Variants in SCARA5 observed in about 807,000 individuals in gnomAD.
SCARA5 encodes scavenger receptor class A, member 5 (putative).
A neutral mutation model predicts 46.3 loss-of-function variants in SCARA5; 45 were observed. That is an observed-to-expected ratio of 0.97 (90% CI 0.76 to 1.24). SCARA5 has a LOEUF of 1.24. SCARA5 is among the 50% of genes most tolerant of loss of function. SCARA5 has a pLI of 0.00. For synonymous variants in SCARA5, 333 were observed against 306.5 expected (o/e 1.09, Z -0.90); for missense variants, 680 against 689.0 (o/e 0.99, Z 0.15).
chr8:27,943,255 C>A (rs546000030), intron 3 of SCARA5, among the ~76,000 whole-genome samples: 32 of 152,294 alleles, frequency 2.1e-4, no homozygotes, highest in Non-Finnish European at 3.8e-4. Context: ...CATGGCAAAA[C>A]CCTGTCTCTA....
chr8:27,911,151 C>T (rs1807367754), intron 4 of SCARA5, among the ~76,000 whole-genome samples: 2 of 152,170 alleles, frequency 1.3e-5, no homozygotes, highest in South Asian at 4.1e-4. Context: ...TGGCTCACTG[C>T]CCACTCCTTG....
intron 2 of SCARA5, among the ~76,000 whole-genome samples, chr8:27,969,316 A>T (rs1015205223): frequency 1.6e-4 from 24 of 152,222 alleles, no homozygotes; most frequent in Non-Finnish European, 2.4e-4. Flanking sequence ...GTTAAAAATA[A>T]TTTTTTTAAA....
At chr8:27,924,831 T>C (rs952536999) in intron 3 of SCARA5, among the ~76,000 whole-genome samples, 3 of 152,238 alleles carry the variant, frequency 2.0e-5, no homozygotes, top group African/African-American at 7.2e-5. Flanking sequence ...CAAGCATTCC[T>C]ATACACCAAT....
chr8:27,902,517 T>C (rs1807173237), intron 7 of SCARA5, among the ~76,000 whole-genome samples: 1 of 152,188 alleles, frequency 6.6e-6, no homozygotes, highest in Admixed American at 6.5e-5. Flanking sequence ...TCACTTGCTC[T>C]CTCAAGTCTG....
At chr8:27,876,173 C>G (rs1350129103) in intron 8 of SCARA5, among the ~76,000 whole-genome samples, 1 of 152,192 alleles carries the variant, frequency 6.6e-6, no homozygotes, top group East Asian at 1.9e-4. Context: ...TGCATGCTAA[C>G]TGCTTGACAC....
intron 3 of SCARA5, among the ~76,000 whole-genome samples, chr8:27,927,585 A>G (rs542605750): frequency 4.0e-4 from 61 of 152,288 alleles, no homozygotes; most frequent in Middle Eastern, 3.4e-3. Flanking sequence ...ATGACTGCCT[A>G]TAAGTCCCTC....
intron 1 of SCARA5, among the ~76,000 whole-genome samples, chr8:27,990,221 C>T (rs931815114): frequency 5.9e-5 from 9 of 152,220 alleles, no homozygotes; most frequent in African/African-American, 2.2e-4. Context: ...GGGAGAGGGA[C>T]TGGGGCCGAG....
At chr8:27,965,467 A>G (rs2129936073) in intron 3 of SCARA5, among the ~76,000 whole-genome samples, 1 of 152,228 alleles carries the variant, frequency 6.6e-6, no homozygotes, top group Admixed American at 6.5e-5. Flanking sequence ...TCACCATCGC[A>G]TTGGGCTACA....
intron 3 of SCARA5, among the ~76,000 whole-genome samples, chr8:27,951,234 G>C (rs1026425152): frequency 2.5e-4 from 38 of 152,204 alleles, no homozygotes; most frequent in African/African-American, 8.9e-4. Context: ...AGTTTAGTGT[G>C]GAGTCAGACA....
intron 3 of SCARA5, among the ~76,000 whole-genome samples, chr8:27,945,477 C>A (rs992195895): frequency 6.6e-6 from 1 of 152,178 alleles, no homozygotes; most frequent in Admixed American, 6.5e-5. Flanking sequence ...GGTTCTGATT[C>A]CGCATTCCTT....
chr8:27,918,459 G>A (rs1006811793), intron 4 of SCARA5, among the ~76,000 whole-genome samples: 24 of 60,314 alleles, frequency 4.0e-4, no homozygotes, highest in African/African-American at 2.6e-3. Context: ...AGCTAGAAAG[G>A]TTGGGGGGGG....
chr8:27,913,342 G>A (rs1020442383), intron 4 of SCARA5, among the ~76,000 whole-genome samples: 2 of 152,182 alleles, frequency 1.3e-5, no homozygotes, highest in Non-Finnish European at 2.9e-5. Flanking sequence ...AGCCTCGAGG[G>A]GCCGAGCTGC....
At chr8:27,927,208 C>G (rs557603440) in intron 3 of SCARA5, among the ~76,000 whole-genome samples, 1 of 152,176 alleles carries the variant, frequency 6.6e-6, no homozygotes, top group African/African-American at 2.4e-5. Context: ...TGGGAGGTCC[C>G]AAGGCCTGCT....
chr8:27,956,302 A>G (rs1808205395), intron 3 of SCARA5, among the ~76,000 whole-genome samples: 1 of 152,330 alleles, frequency 6.6e-6, no homozygotes, highest in Admixed American at 6.5e-5. Flanking sequence ...CCATAATAAT[A>G]TATATGCATA....
chr8:27,896,352 TC>T (rs1015613385), intron 7 of SCARA5, among the ~76,000 whole-genome samples: 1 of 152,120 alleles, frequency 6.6e-6, no homozygotes, highest in Admixed American at 6.5e-5. Context: ...ATCCCAGTTC[TC>T]CTCCTCCTCT....
intron 4 of SCARA5, among the ~76,000 whole-genome samples, chr8:27,921,312 C>G (rs1201771267): frequency 1.3e-5 from 2 of 152,224 alleles, no homozygotes; most frequent in Admixed American, 1.3e-4. Context: ...AGAAGAGTGG[C>G]CACTGAATCT....
intron 7 of SCARA5, among the ~76,000 whole-genome samples, chr8:27,885,756 A>C (rs1232481234): frequency 6.6e-6 from 1 of 152,160 alleles, no homozygotes. Context: ...AGGCTGTTAC[A>C]ATGACCGTAC....
At chr8:27,919,745 C>T (rs1032286390) in intron 4 of SCARA5, among the ~76,000 whole-genome samples, 4 of 151,814 alleles carry the variant, frequency 2.6e-5, no homozygotes, top group Admixed American at 6.6e-5. Flanking sequence ...CCATCACCTC[C>T]TGGCCCTGCG....
intron 3 of SCARA5, among the ~76,000 whole-genome samples, chr8:27,963,887 A>C (rs1808326330): frequency 1.3e-5 from 2 of 152,086 alleles, no homozygotes; most frequent in African/African-American, 4.8e-5. Context: ...TGTAGGAGCT[A>C]TGAGATTTGC....
Sources: gnomAD v4.1 joint callset for allele counts (sites outside exome capture counted in the v4.1 genomes callset) on GRCh38, gnomAD v4.1.1 for gene constraint, MANE v1.5 for transcripts, NCBI Gene and HGNC (gene_info 2026-07-23, HGNC 2026-07-21) for gene names.